Variants in ROBO1 observed in about 807,000 individuals in gnomAD.
ROBO1 encodes the protein roundabout homolog 1.
A neutral mutation model predicts 195.9 loss-of-function variants in ROBO1; 149 were observed. That is an observed-to-expected ratio of 0.76 (90% confidence interval 0.67 to 0.87). ROBO1 has a LOEUF of 0.87. ROBO1 is among the 40% of genes least tolerant of loss of function. The probability of loss-of-function intolerance (pLI) is 0.00; values close to 1 mark genes in which losing one functional copy is unlikely to be tolerated. For synonymous variants in ROBO1, 816 were observed against 733.2 expected, an observed-to-expected ratio of 1.11 and a Z score of -1.82; for missense variants, 1,933 against 2,068.3, an observed-to-expected ratio of 0.93 and a Z score of 1.27.
intron 4 of ROBO1, among the ~76,000 whole-genome samples, chr3:78,930,673 T>C (rs1034168111): frequency 3.9e-5 from 6 of 152,196 alleles, no homozygotes; most frequent in African/African-American, 1.2e-4. Flanking sequence ...TTTAACTCTC[T>C]AAAATTAAGC....
chr3:79,077,450 T>C (rs548020919), intron 3 of ROBO1, among the ~76,000 whole-genome samples: 1 of 151,858 alleles, frequency 6.6e-6, no homozygotes, highest in Non-Finnish European at 1.5e-5. Context: ...TGTATGTAGA[T>C]ATACGGAATG....
intron 5 of ROBO1, among the ~76,000 whole-genome samples, chr3:78,718,867 AGAGGGAAAAAGGGAGGGAAG>A (rs2081973393): frequency 2.7e-5 from 2 of 72,834 alleles, no homozygotes; most frequent in African/African-American, 1.3e-4. Context: ...AGGGAGGGAG[AGAGGGAAAAAGGGAGGGAAG>A]GAGGGAGGGA....
At chr3:78,976,415 G>A (rs534209798) in intron 3 of ROBO1, among the ~76,000 whole-genome samples, 1 of 152,290 alleles carries the variant, frequency 6.6e-6, no homozygotes, top group East Asian at 1.9e-4. Context: ...GTGCCGGTGA[G>A]TCTTTGCGCT....
At chr3:78,884,648 A>AAAGAAAGGAAGGAAGGAAGGAAGG (rs1491545436) in intron 4 of ROBO1, among the ~76,000 whole-genome samples, 2 of 107,528 alleles carry the variant, frequency 1.9e-5, no homozygotes, top group African/African-American at 7.4e-5. Context: ...AGAAAGAAAG[A>AAAGAAAGGAAGGAAGGAAGGAAGG]AAGGAAGGAA....
chr3:78,949,486 C>T (rs1375368338), intron 3 of ROBO1, among the ~76,000 whole-genome samples: 1 of 151,978 alleles, frequency 6.6e-6, no homozygotes. Context: ...GGATCCCTTC[C>T]TTACATCTTA....
chr3:79,052,090 C>A (rs528748905), intron 3 of ROBO1, among the ~76,000 whole-genome samples: 1 of 152,016 alleles, frequency 6.6e-6, no homozygotes, highest in African/African-American at 2.4e-5. Context: ...GCTTGTGGGG[C>A]CGGGCAGAAC....
intron 2 of ROBO1, among the ~76,000 whole-genome samples, chr3:79,320,449 C>T (rs1344074937): frequency 6.6e-6 from 1 of 152,116 alleles, no homozygotes; most frequent in Non-Finnish European, 1.5e-5. Flanking sequence ...CCACCTCAGC[C>T]CCTGAGTAGC....
At chr3:78,661,969 A>C (rs752431807) in intron 15 of ROBO1, 24 bp downstream of exon 15, 83 of 1,601,392 alleles carry the variant, frequency 5.2e-5, no homozygotes, top group Non-Finnish European at 6.6e-5. Context: ...ATTAAAACTG[A>C]GATCAAATAT....
chr3:79,062,774 T>C (rs1333294829), intron 3 of ROBO1, among the ~76,000 whole-genome samples: 5 of 151,866 alleles, frequency 3.3e-5, no homozygotes, highest in South Asian at 2.1e-4. Flanking sequence ...CAAGTGGGAA[T>C]TGAACAATGA....
rs141648143 is a variant in ROBO1 at position 78,808,362 on chromosome 3, G to A, written c.500-61462C>T. Among the ~76,000 whole-genome samples the A allele has an allele frequency of 4.4e-3, 667 of 152,050 alleles. 9 individuals are homozygous for A. The highest frequency in any genetic ancestry group is 0.015 in the African/African-American group (638 of 41,482). ...TGGGATTACAGGTGCAAGCCACCAC[G>A]CCCAGCTAATTTTTGTATTTTTAGT... On this transcript the variant is annotated intron_variant, in intron 4 of 30. Transcript: ENST00000464233.
intron 4 of ROBO1, among the ~76,000 whole-genome samples, chr3:78,760,295 A>T (rs2083064489): frequency 6.6e-6 from 1 of 152,198 alleles, no homozygotes; most frequent in African/African-American, 2.4e-5. Flanking sequence ...ACACATGCCT[A>T]TATACCTCTA....
chr3:78,639,502 T>C (rs1365475690), intron 22 of ROBO1, among the ~76,000 whole-genome samples: 1 of 152,218 alleles, frequency 6.6e-6, no homozygotes, highest in Non-Finnish European at 1.5e-5. Flanking sequence ...CTACTTGCTA[T>C]TGATTGTAGA....
intron 2 of ROBO1, among the ~76,000 whole-genome samples, chr3:79,485,443 A>G (rs147483601): frequency 6.6e-6 from 1 of 152,212 alleles, no homozygotes; most frequent in Non-Finnish European, 1.5e-5. Context: ...AATAAAAACC[A>G]TACATAGTTC....
intron 3 of ROBO1, among the ~76,000 whole-genome samples, chr3:79,073,730 C>T (rs1474709892): frequency 6.6e-6 from 1 of 151,630 alleles, no homozygotes; most frequent in Admixed American, 6.6e-5. Context: ...TCGCTTTATG[C>T]CGTCTAACCT....
At chr3:79,717,594 T>C (rs1702540920) in intron 1 of ROBO1, among the ~76,000 whole-genome samples, 1 of 152,068 alleles carries the variant, frequency 6.6e-6, no homozygotes, top group African/African-American at 2.4e-5. Flanking sequence ...CCCAAATGTT[T>C]CACACATCTT....
At chr3:79,390,224 G>C (rs2036897157) in intron 2 of ROBO1, among the ~76,000 whole-genome samples, 1 of 152,084 alleles carries the variant, frequency 6.6e-6, no homozygotes, top group Admixed American at 6.6e-5. Flanking sequence ...TATACGGTCT[G>C]TGTAGTGCTT....
chr3:78,671,572 A>T (rs1187225972), intron 10 of ROBO1, among the ~76,000 whole-genome samples: 1 of 151,990 alleles, frequency 6.6e-6, no homozygotes, highest in Admixed American at 6.6e-5. Flanking sequence ...CATGCAATAA[A>T]TATTAGTTTT....
chr3:79,380,865 A>G (rs749887627), intron 2 of ROBO1, among the ~76,000 whole-genome samples: 21 of 152,220 alleles, frequency 1.4e-4, no homozygotes, highest in Admixed American at 2.6e-4. Flanking sequence ...TTGCTCTCTT[A>G]TAATCCTGCC....
chr3:79,373,832 G>T (rs1051858626), intron 2 of ROBO1, among the ~76,000 whole-genome samples: 2 of 152,118 alleles, frequency 1.3e-5, no homozygotes, highest in Non-Finnish European at 2.9e-5. Context: ...GCAAAATTCA[G>T]CATTCTGGGT....
Sources: allele counts gnomAD v4.1 joint callset (sites outside exome capture counted in the v4.1 genomes callset), GRCh38; gene constraint gnomAD v4.1.1; transcripts MANE v1.5; gene names NCBI Gene and HGNC (gene_info 2026-07-23, HGNC 2026-07-21).